UNC80: variants seen among roughly 807,000 people sequenced by gnomAD.
The protein encoded by UNC80 is unc-80 subunit of NALCN channel complex.
Under a neutral mutation model 384.6 loss-of-function variants are expected in UNC80, and 164 were observed. That is an observed-to-expected ratio of 0.43 (90% confidence interval 0.38 to 0.49). The LOEUF is 0.49. UNC80 is among the 20% of genes least tolerant of loss of function. The pLI is 0.00. For synonymous variants in UNC80, 1,486 were observed against 1,527.8 expected, an observed-to-expected ratio of 0.97 and a Z score of 0.64; for missense variants, 3,330 against 4,143.0, an observed-to-expected ratio of 0.80 and a Z score of 5.39.
intron 61 of UNC80, among the ~76,000 whole-genome samples, chr2:209,991,072 T>TG (rs1559451577): frequency 2.0e-5 from 3 of 152,232 alleles, no homozygotes; most frequent in Admixed American, 6.5e-5. Flanking sequence ...TCCTTACTAC[T>TG]GCAGCTGGGT....
chr2:209,884,529 C>A (rs1024216364), intron 25 of UNC80, among the ~76,000 whole-genome samples: 6 of 152,156 alleles, frequency 3.9e-5, no homozygotes, highest in Non-Finnish European at 8.8e-5. Context: ...CCTTTCCTTA[C>A]ACCTTATACA....
chr2:209,787,627 T>C (rs2077521804), intron 5 of UNC80, among the ~76,000 whole-genome samples: 1 of 152,214 alleles, frequency 6.6e-6, no homozygotes, highest in Non-Finnish European at 1.5e-5. Flanking sequence ...GTAGCCATGG[T>C]AACATAGTGC....
At chr2:209,905,720 A>G (rs2088109454) in intron 29 of UNC80, among the ~76,000 whole-genome samples, 1 of 152,240 alleles carries the variant, frequency 6.6e-6, no homozygotes, top group Non-Finnish European at 1.5e-5. Flanking sequence ...TTCACAGCCA[A>G]GTAAAAGAGT....
intron 7 of UNC80, 78 bp from the exon 8 acceptor site, chr2:209,813,502 A>C: frequency 1.4e-5 from 19 of 1,387,364 alleles, no homozygotes; most frequent in Non-Finnish European, 1.6e-5. Context: ...TGAGAAAAGT[A>C]GAGCTATAAG....
intron 45 of UNC80, among the ~76,000 whole-genome samples, chr2:209,944,409 C>CT (rs2091811404): frequency 1.3e-5 from 2 of 152,134 alleles, no homozygotes; most frequent in Non-Finnish European, 2.9e-5. Context: ...AGAATTTAAT[C>CT]TTCATGAAAG....
At chr2:209,841,712 T>C (rs1285175815) in intron 20 of UNC80, among the ~76,000 whole-genome samples, 1 of 152,196 alleles carries the variant, frequency 6.6e-6, no homozygotes. Context: ...ACAAATAATA[T>C]GCAAGACTAT....
intron 38 of UNC80, among the ~76,000 whole-genome samples, chr2:209,932,831 T>C (rs1162928139): frequency 6.6e-6 from 1 of 152,194 alleles, no homozygotes; most frequent in Non-Finnish European, 1.5e-5. Context: ...AATCATCTTT[T>C]CTGATTGATC....
intron 51 of UNC80, among the ~76,000 whole-genome samples, chr2:209,962,683 T>A (rs2092630101): frequency 6.6e-6 from 1 of 152,196 alleles, no homozygotes; most frequent in Admixed American, 6.5e-5. Flanking sequence ...TTAACGCAAT[T>A]TCTCACAACA....
At chr2:209,787,177 T>C (rs1000980757) in intron 5 of UNC80, among the ~76,000 whole-genome samples, 21 of 111,702 alleles carry the variant, frequency 1.9e-4, no homozygotes, top group Middle Eastern at 4.2e-3. Context: ...TTAGACAGCA[T>C]GGCCAGAAGA....
chr2:209,900,296 G>A (rs958191298), intron 28 of UNC80, among the ~76,000 whole-genome samples: 1 of 152,032 alleles, frequency 6.6e-6, no homozygotes, highest in Non-Finnish European at 1.5e-5. Context: ...TTTTCTAATA[G>A]CATGTGCTTA....
chr2:209,970,877 C>G lies in UNC80; in HGVS notation c.8176C>G (p.Leu2726Val). The G allele has an allele frequency of 6.4e-7, 1 of 1,551,722 alleles. No homozygotes were observed. Among genetic ancestry groups the G allele is most frequent in the Non-Finnish European group, 8.7e-7 (1 of 1,146,994 alleles). Reference protein sequence around the residue: ...GPSSVADGLPLLHLSPYLSPP... With the variant: ...GPSSVADGLPVLHLSPYLSPP... ...TTCCAGTGTTGCTGATGGATTACCCCTTCTTCATCTCAGCCCTTATCTCTC... is the reference window on the plus strand; with the variant it reads ...TTCCAGTGTTGCTGATGGATTACCCGTTCTTCATCTCAGCCCTTATCTCTC... Residue 2726 changes from leucine (L) to valine (V), a missense_variant, in exon 54 of 65, where the codon CTT becomes GTT. By Grantham distance (32) the Leu-to-Val change is conservative. Transcript: ENST00000673920.
chr2:209,792,729 C>A (rs755728029), intron 6 of UNC80, among the ~76,000 whole-genome samples: 16 of 152,232 alleles, frequency 1.1e-4, no homozygotes, highest in Non-Finnish European at 2.2e-4. Context: ...AACAATTTCA[C>A]CTGTTCCTTT....
At chr2:209,773,908 G>C (rs1392644798) in intron 2 of UNC80, among the ~76,000 whole-genome samples, 2 of 152,138 alleles carry the variant, frequency 1.3e-5, no homozygotes, top group African/African-American at 4.8e-5. Context: ...GATTCTAAGG[G>C]AATCTTATAT....
At chr2:209,852,943 A>G (rs1166446515) in intron 22 of UNC80, among the ~76,000 whole-genome samples, 2 of 152,134 alleles carry the variant, frequency 1.3e-5, no homozygotes, top group African/African-American at 4.8e-5. Flanking sequence ...AGATGTAAAT[A>G]TAGAAATAAA....
At chr2:209,814,267 G>A (rs1040611312) in intron 8 of UNC80, among the ~76,000 whole-genome samples, 17 of 149,788 alleles carry the variant, frequency 1.1e-4, no homozygotes, top group African/African-American at 4.2e-4. Flanking sequence ...ATGAAGTCTC[G>A]CTCTGTCGCC....
intron 7 of UNC80, among the ~76,000 whole-genome samples, chr2:209,802,276 T>C (rs527665025): frequency 1.3e-5 from 2 of 152,270 alleles, no homozygotes; most frequent in African/African-American, 4.8e-5. Flanking sequence ...GCATTGTTTA[T>C]TTCAAAATTA....
intron 47 of UNC80, among the ~76,000 whole-genome samples, chr2:209,949,041 A>G (rs2092035224): frequency 6.6e-6 from 1 of 152,190 alleles, no homozygotes; most frequent in African/African-American, 2.4e-5. Flanking sequence ...CTCCTTAAAA[A>G]TAAACTGTAA....
chr2:209,956,432 C>T (rs371276264), intron 48 of UNC80, among the ~76,000 whole-genome samples: 3 of 124,530 alleles, frequency 2.4e-5, no homozygotes, highest in East Asian at 2.4e-4. Flanking sequence ...TAGTTCCATG[C>T]GGCTTTAGGT....
intron 22 of UNC80, among the ~76,000 whole-genome samples, chr2:209,850,923 C>G (rs2082485767): frequency 6.6e-6 from 1 of 152,208 alleles, no homozygotes; most frequent in Admixed American, 6.6e-5. Flanking sequence ...TTAGCTGTCA[C>G]TCTTTTGAGT....
Sources: gnomAD v4.1 joint callset for allele counts (sites outside exome capture counted in the v4.1 genomes callset) on GRCh38, gnomAD v4.1.1 for gene constraint, MANE v1.5 for transcripts, NCBI Gene and HGNC (gene_info 2026-07-23, HGNC 2026-07-21) for gene names.